GRID1: variants seen among roughly 807,000 people sequenced by gnomAD.
The protein encoded by GRID1 is glutamate ionotropic receptor delta type subunit 1.
Under a neutral mutation model 98.0 loss-of-function variants are expected in GRID1, and 28 were observed. The observed-to-expected ratio is 0.29, with a 90% CI of 0.21 to 0.39. The LOEUF is 0.39. Ranked by LOEUF, GRID1 falls within the 10% of genes least tolerant of loss-of-function variation. The pLI, the probability that GRID1 is intolerant of heterozygous loss-of-function variation, is 1.00. For synonymous variants in GRID1, 553 were observed against 538.5 expected (o/e 1.03, Z -0.37); for missense variants, 1,111 against 1,340.5 (o/e 0.83, Z 2.67).
chr10:86,102,198 G>T (rs1403305881), intron 4 of GRID1, among the ~76,000 whole-genome samples: 2 of 152,246 alleles, frequency 1.3e-5, no homozygotes, highest in African/African-American at 4.8e-5. Flanking sequence ...ATTTTAACAG[G>T]CCACTCTGGC....
chr10:86,254,634 T>G lies in GRID1; in HGVS notation c.236-47986A>C, dbSNP rs571176494. On this transcript the variant is annotated intron_variant, in intron 2 of 15. Transcript: ENST00000327946. ...TGTTCACACACTCCTGGATGATTCA[T>G]GCAGCTGGGGCCACACCCTGGCCCT... Among the ~76,000 whole-genome samples the G allele has an allele frequency of 1.2e-4, 19 of 152,360 alleles. No homozygotes were observed. The East Asian group carries it at 3.7e-3, about 29-fold the overall frequency.
chr10:85,995,224 G>A (rs563035710), intron 4 of GRID1, among the ~76,000 whole-genome samples: 5 of 152,116 alleles, frequency 3.3e-5, no homozygotes, highest in African/African-American at 7.2e-5. Flanking sequence ...ATCACTAGTC[G>A]TGGAACTTTG....
At chr10:85,962,636 A>G (rs1348113538) in intron 4 of GRID1, among the ~76,000 whole-genome samples, 3 of 152,070 alleles carry the variant, frequency 2.0e-5, no homozygotes, top group Non-Finnish European at 4.4e-5. Flanking sequence ...CTCAAGAGAA[A>G]CCATCTTGAT....
intron 5 of GRID1, among the ~76,000 whole-genome samples, chr10:85,879,251 C>T (rs1445630379): frequency 3.9e-5 from 6 of 152,066 alleles, no homozygotes; most frequent in Admixed American, 6.5e-5. Context: ...GAATTGAACT[C>T]AGCTCTGCAC....
At chr10:86,219,597 T>C (rs1489863568) in intron 2 of GRID1, among the ~76,000 whole-genome samples, 3 of 152,270 alleles carry the variant, frequency 2.0e-5, no homozygotes, top group Admixed American at 6.5e-5. Context: ...TGGTCACGTG[T>C]GGCCCCCCGT....
chr10:86,288,821 C>A (rs930593702), intron 2 of GRID1, among the ~76,000 whole-genome samples: 2 of 152,220 alleles, frequency 1.3e-5, no homozygotes, highest in African/African-American at 4.8e-5. Flanking sequence ...GCTATGCCAG[C>A]CTCATGAACA....
intron 4 of GRID1, among the ~76,000 whole-genome samples, chr10:86,087,904 G>A (rs1844087970): frequency 6.6e-6 from 1 of 152,160 alleles, no homozygotes; most frequent in Admixed American, 6.5e-5. Context: ...TATAGTGCTA[G>A]TTCCTCCCCA....
intron 12 of GRID1, among the ~76,000 whole-genome samples, chr10:85,661,143 C>A (rs966971553): frequency 1.3e-5 from 2 of 151,872 alleles, no homozygotes; most frequent in African/African-American, 4.8e-5. Context: ...TTTGGCTAGC[C>A]TCCTGTTTGC....
At chr10:85,764,537 G>A (rs539059314) in intron 8 of GRID1, among the ~76,000 whole-genome samples, 28 of 152,274 alleles carry the variant, frequency 1.8e-4, no homozygotes, top group Admixed American at 9.8e-4. Context: ...GGTGAACCCC[G>A]TGCCCTGCAG....
At position 85,765,790 on chromosome 10, in the gene GRID1, A is replaced by G. The variant is rs77591454; in HGVS notation, c.1234-36176T>C. Among the ~76,000 whole-genome samples, 787 of 152,358 alleles carry G rather than the reference A, an allele frequency of 5.2e-3. 12 individuals carry two copies. The South Asian group carries it at 0.058, about 11-fold the overall frequency. On this transcript the variant is annotated intron_variant, in intron 8 of 15. Coordinates refer to ENST00000327946, the MANE Select transcript of GRID1 (RefSeq NM_017551.3). Reference sequence around the variant, plus strand: ...CTCAATCTGAACTTAACTGGAATCAATTCAGACCACTGTTCCACCCAACTT... The same window carrying G: ...CTCAATCTGAACTTAACTGGAATCAGTTCAGACCACTGTTCCACCCAACTT...
At chr10:86,121,542 C>T (rs61857779) in intron 4 of GRID1, among the ~76,000 whole-genome samples, 59 of 340 alleles carry the variant, frequency 0.17, no homozygotes, top group Non-Finnish European at 0.19. Context: ...TCATCACCAT[C>T]ACCATTATCT....
At chr10:86,215,917 C>T (rs1846171381) in intron 2 of GRID1, among the ~76,000 whole-genome samples, 1 of 152,248 alleles carries the variant, frequency 6.6e-6, no homozygotes, top group Admixed American at 6.5e-5. Context: ...CCCAGCTCCA[C>T]ACATCACAAT....
intron 8 of GRID1, among the ~76,000 whole-genome samples, chr10:85,772,630 A>C (rs1842284037): frequency 6.6e-6 from 1 of 152,224 alleles, no homozygotes; most frequent in Non-Finnish European, 1.5e-5. Flanking sequence ...ATAAAAAATG[A>C]TAAAAGGGAT....
At chr10:86,031,560 T>C (rs1326520938) in intron 4 of GRID1, among the ~76,000 whole-genome samples, 1 of 151,988 alleles carries the variant, frequency 6.6e-6, no homozygotes, top group African/African-American at 2.4e-5. Flanking sequence ...GAATCTAAAA[T>C]AACAAAAATA....
chr10:85,984,975 C>G (rs1156882442), intron 4 of GRID1, among the ~76,000 whole-genome samples: 1 of 152,178 alleles, frequency 6.6e-6, no homozygotes, highest in Non-Finnish European at 1.5e-5. Flanking sequence ...CCTAGCACTA[C>G]ATTTTGGGCT....
intron 8 of GRID1, among the ~76,000 whole-genome samples, chr10:85,766,329 T>A (rs1798475971): frequency 6.6e-6 from 1 of 152,006 alleles, no homozygotes; most frequent in Admixed American, 6.6e-5. Context: ...CTATAGAAAA[T>A]TTAAAAATTA....
chr10:86,266,498 G>A (rs1310814728), intron 2 of GRID1, among the ~76,000 whole-genome samples: 1 of 152,194 alleles, frequency 6.6e-6, no homozygotes, highest in African/African-American at 2.4e-5. Context: ...CCCTAATCTG[G>A]TTCGAGGCTT....
Position 85,776,950 on chromosome 10 carries a change from A to T in GRID1, c.1234-47336T>A, listed in dbSNP as rs375065853. Among the ~76,000 whole-genome samples the T allele has an allele frequency of 3.2e-4, 48 of 152,368 alleles. No individual in the cohort carries two copies. In the South Asian group the frequency reaches 6.4e-3, roughly 20 times the overall value. On this transcript the variant is annotated intron_variant, in intron 8 of 15. Coordinates refer to ENST00000327946, the MANE Select transcript of GRID1 (RefSeq NM_017551.3). ...CAGTGAGAGGCTAGCAAAGAAATGCATTTGCTACCTATAGCTACAACAAAC... is the reference window on the plus strand; with the variant it reads ...CAGTGAGAGGCTAGCAAAGAAATGCTTTTGCTACCTATAGCTACAACAAAC...
At position 85,695,811 on chromosome 10, in the gene GRID1, C is replaced by T. The variant is rs540387949; in HGVS notation, c.1997+27192G>A. Among the ~76,000 whole-genome samples, 30 of 152,142 alleles carry T rather than the reference C, an allele frequency of 2.0e-4. 1 individual carries two copies. The East Asian group carries it at 3.3e-3, about 17-fold the overall frequency. On this transcript the variant is annotated intron_variant, in intron 12 of 15. Transcript: ENST00000327946. ...AACAAGCCAGCTGCTCTTTGCATGG[C>T]AGAGCTGTAAAGAGCATGTAACCCA...
Sources: gnomAD v4.1 joint callset for allele counts (sites outside exome capture counted in the v4.1 genomes callset) on GRCh38, gnomAD v4.1.1 for gene constraint, MANE v1.5 for transcripts, NCBI Gene and HGNC (gene_info 2026-07-23, HGNC 2026-07-21) for gene names.